SPON1: variants seen among roughly 807,000 people sequenced by gnomAD.
The protein encoded by SPON1 is spondin 1, also known as spondin-1.
A neutral mutation model predicts 111.7 loss-of-function variants in SPON1; 52 were observed. The ratio of observed to expected loss-of-function variants is 0.47; its 90% confidence interval spans 0.37 to 0.59. The LOEUF is 0.59. SPON1 is among the 20% of genes least tolerant of loss of function. The probability of loss-of-function intolerance (pLI) is 0.00; values close to 1 mark genes in which losing one functional copy is unlikely to be tolerated. For synonymous variants in SPON1, 410 were observed against 395.8 expected (o/e 1.04, Z -0.43); for missense variants, 957 against 1,068.5 (o/e 0.90, Z 1.46).
intron 6 of SPON1, among the ~76,000 whole-genome samples, chr11:14,242,885 G>A (rs879972222): frequency 3.0e-4 from 45 of 152,334 alleles, no homozygotes; most frequent in Non-Finnish European, 5.6e-4. Context: ...CAGGACAGGC[G>A]TTGAGGGGAC....
intron 2 of SPON1, among the ~76,000 whole-genome samples, chr11:14,032,234 C>T (rs1848564356): frequency 6.6e-6 from 1 of 152,142 alleles, no homozygotes; most frequent in Admixed American, 6.5e-5. Context: ...TATATGTATG[C>T]ACAATCTAAA....
chr11:14,125,055 C>G (rs188134732), intron 5 of SPON1, among the ~76,000 whole-genome samples: 1 of 152,288 alleles, frequency 6.6e-6, no homozygotes, highest in East Asian at 1.9e-4. Context: ...GGGATGGGAA[C>G]CTGAAAACCA....
At chr11:14,198,341 T>A (rs1428680534) in intron 6 of SPON1, among the ~76,000 whole-genome samples, 2 of 152,222 alleles carry the variant, frequency 1.3e-5, no homozygotes, top group African/African-American at 4.8e-5. Flanking sequence ...CCTCTTTGCC[T>A]TATGACCGCT....
intron 6 of SPON1, among the ~76,000 whole-genome samples, chr11:14,196,618 C>T (rs964478187): frequency 3.3e-5 from 5 of 152,232 alleles, no homozygotes; most frequent in Non-Finnish European, 7.3e-5. Flanking sequence ...CTCACTTTCA[C>T]TGAAGTAGAA....
intron 3 of SPON1, among the ~76,000 whole-genome samples, chr11:14,056,561 T>C (rs1206522303): frequency 6.6e-6 from 1 of 152,086 alleles, no homozygotes; most frequent in Non-Finnish European, 1.5e-5. Context: ...GTGGTCGTGT[T>C]AAATTAAAAA....
rs201172887 is a variant in SPON1 at position 14,259,281 on chromosome 11, C to A, written c.1494C>A (p.Asp498Glu). 1.2e-6 allele frequency: 2 copies of A among 1,609,712 alleles called. No homozygotes were observed. The highest frequency in any genetic ancestry group is 1.7e-5 in the Admixed American group (1 of 59,678). Residue 498 changes from aspartate to glutamate, a missense_variant and splice_region_variant, in exon 12 of 16, where the codon GAC becomes GAA. This residue lies in a region of SPON1 where 549 missense variants were observed against 606.2 expected (regional missense o/e 0.91). Coordinates refer to ENST00000576479, the MANE Select transcript of SPON1 (RefSeq NM_006108.4). The surrounding 1 kb of genome is among the most constrained non-coding windows in gnomAD (Gnocchi z 5.0). ...PCMGPGCSDEDGSTCTMSEWI... is the reference protein window; with the variant it reads ...PCMGPGCSDEEGSTCTMSEWI... ...CAGCGTTCACTCGGTGTGTTGCAGA[C>A]GGCTCCACCTGCACCATGTCCGAGT...
chr11:14,249,576 A>C (rs1197093899), intron 7 of SPON1, among the ~76,000 whole-genome samples: 3 of 152,240 alleles, frequency 2.0e-5, no homozygotes, highest in African/African-American at 7.2e-5. Context: ...AATTCAGATT[A>C]TTGAAAACTC....
At position 13,980,408 on chromosome 11, in the gene SPON1, C is replaced by G. The variant is rs17463112; in HGVS notation, c.239-2439C>G. On this transcript the variant is annotated intron_variant, in intron 1 of 15. Coordinates refer to ENST00000576479, the MANE Select transcript of SPON1 (RefSeq NM_006108.4). ...AGCTCCTTTACTTTTGTGGGATAAC[C>G]GGCCAATCACAGCATGTCATTTACC... Among the ~76,000 whole-genome samples the G allele has an allele frequency of 3.9e-3, 599 of 152,234 alleles. 3 individuals carry two copies. The highest frequency in any genetic ancestry group is 0.014 in the African/African-American group (576 of 41,536).
intron 6 of SPON1, among the ~76,000 whole-genome samples, chr11:14,221,342 T>C (rs1183908249): frequency 2.6e-5 from 4 of 152,192 alleles, no homozygotes; most frequent in Non-Finnish European, 5.9e-5. Context: ...GTTATACCCA[T>C]TTTATACATG....
At chr11:14,051,540 A>G (rs1175190020) in intron 3 of SPON1, among the ~76,000 whole-genome samples, 1 of 151,836 alleles carries the variant, frequency 6.6e-6, no homozygotes, top group African/African-American at 2.4e-5. Context: ...TGTCTCAAAA[A>G]AAAAAAAAAG....
chr11:14,097,263 C>T (rs1554923961), intron 5 of SPON1, among the ~76,000 whole-genome samples: 1 of 152,034 alleles, frequency 6.6e-6, no homozygotes, highest in African/African-American at 2.4e-5. Context: ...AAGAGGACAC[C>T]CTTTAATAAT....
intron 2 of SPON1, among the ~76,000 whole-genome samples, chr11:13,989,006 T>A (rs1848207388): frequency 1.3e-5 from 2 of 152,176 alleles, no homozygotes; most frequent in African/African-American, 4.8e-5. Context: ...GGCCTGAAAT[T>A]TTCTTTTTTT....
intron 2 of SPON1, among the ~76,000 whole-genome samples, chr11:14,034,091 T>C (rs1324299673): frequency 6.6e-6 from 1 of 152,198 alleles, no homozygotes; most frequent in Non-Finnish European, 1.5e-5. Flanking sequence ...GCGAGAGGAT[T>C]ACTTGAACCC....
intron 6 of SPON1, among the ~76,000 whole-genome samples, chr11:14,233,588 A>G (rs1461141990): frequency 1.3e-5 from 2 of 152,118 alleles, no homozygotes; most frequent in Non-Finnish European, 2.9e-5. Flanking sequence ...TTCATTATTT[A>G]TCCCTTAAAT....
chr11:14,219,473 A>C (rs1253231558), intron 6 of SPON1, among the ~76,000 whole-genome samples: 9 of 152,210 alleles, frequency 5.9e-5, no homozygotes, highest in African/African-American at 2.2e-4. Flanking sequence ...GATATGAGTT[A>C]AACCACATAC....
In SPON1 at chr11:14,147,226, G is replaced by T. The variant is rs1847731757; in HGVS notation, c.825+11658G>T. Among the ~76,000 whole-genome samples the T allele has an allele frequency of 2.0e-5, 3 of 151,350 alleles. No homozygotes were observed. The South Asian group carries it at 6.3e-4, about 32-fold the overall frequency. ...TGTATTTTTTTTTAGTAGAGACAGG[G>T]TTTCACCTTGTTGGTCAGGCTGGTC... is the stretch of plus-strand genomic sequence containing the variant. On this transcript the variant is annotated intron_variant, in intron 6 of 15. Coordinates refer to ENST00000576479, the MANE Select transcript of SPON1 (RefSeq NM_006108.4).
At chr11:13,963,858 G>A (rs1466255361) in intron 1 of SPON1, among the ~76,000 whole-genome samples, 3 of 152,198 alleles carry the variant, frequency 2.0e-5, no homozygotes, top group Non-Finnish European at 2.9e-5. Flanking sequence ...GGTAAGCTCC[G>A]AGCTGCAAGG....
chr11:14,208,540 T>C (rs1554936402), intron 6 of SPON1, among the ~76,000 whole-genome samples: 1 of 152,198 alleles, frequency 6.6e-6, no homozygotes, highest in Non-Finnish European at 1.5e-5. Flanking sequence ...TTCTATTGCT[T>C]CAAGCTAGTG....
intron 3 of SPON1, among the ~76,000 whole-genome samples, chr11:14,060,045 T>C (rs1554919676): frequency 6.6e-6 from 1 of 152,160 alleles, no homozygotes; most frequent in African/African-American, 2.4e-5. Context: ...GCATAGGAAG[T>C]ACCCCTTTAC....
Sources: allele counts gnomAD v4.1 joint callset (sites outside exome capture counted in the v4.1 genomes callset), GRCh38; gene constraint gnomAD v4.1.1; regional missense constraint gnomAD v4.1.1; non-coding constraint Gnocchi (gnomAD v3.1); transcripts MANE v1.5; gene names NCBI Gene and HGNC (gene_info 2026-07-23, HGNC 2026-07-21).